The following NF2 variants were observed in gnomAD, a reference collection of about 807,000 sequenced individuals.
NF2 encodes the protein NF2, moesin-ezrin-radixin like (MERLIN) tumor suppressor, also known as merlin.
A neutral mutation model predicts 83.7 loss-of-function variants in NF2; 8 were observed. The ratio of observed to expected loss-of-function variants is 0.10; its 90% confidence interval spans 0.06 to 0.17. The LOEUF (loss-of-function observed/expected upper bound fraction) is 0.17. Among genes scored for constraint, NF2 ranks in the 10% least tolerant of loss-of-function variants. The pLI is 1.00. For missense variants in NF2, 533 were observed against 744.4 expected, an observed-to-expected ratio of 0.72 and a Z score of 3.31; for synonymous variants, 266 against 269.6, an observed-to-expected ratio of 0.99 and a Z score of 0.13.
chr22:29,681,514 A>G lies in NF2; in HGVS notation c.1650A>G (p.Lys550=). 6.2e-7 allele frequency: 1 copy of G among 1,614,182 alleles called. No individual in the cohort carries two copies. The highest frequency in any genetic ancestry group is 8.5e-7 in the Non-Finnish European group (1 of 1,180,040). The change falls in exon 15 of 16, where the codon AAA becomes AAG. Residue 550 remains lysine (K), a synonymous_variant. Transcript: ENST00000338641. ...NELKTEIEAL[K]LKERETALDI... is the part of the protein sequence containing the mutation. ...TCAAGACAGAAATCGAGGCCTTGAA[A>G]CTGAAAGAGAGGGAGACAGCTCTGG...
At chr22:29,639,357 A>G (rs1426006089) in intron 3 of NF2, 145 bp downstream of exon 3, 13 of 997,150 alleles carry the variant, frequency 1.3e-5, no homozygotes, top group Non-Finnish European at 1.9e-5. Context: ...TCTGTAATGG[A>G]AAAAAGGCTT....
intron 6 of NF2, 43 bp downstream of exon 6, chr22:29,655,719 T>A: frequency 1.4e-6 from 1 of 720,912 alleles, no homozygotes; most frequent in African/African-American, 1.9e-5. Context: ...TTATGGGCTT[T>A]TTTTTTTTTT....
intron 7 of NF2, among the ~76,000 whole-genome samples, chr22:29,658,637 C>G (rs564790555): frequency 2.1e-4 from 30 of 142,232 alleles, no homozygotes; most frequent in Admixed American, 1.8e-3. Flanking sequence ...CCACCCCCAC[C>G]CCCACCCCAG....
intron 15 of NF2, among the ~76,000 whole-genome samples, chr22:29,684,767 C>T (rs1342384179): frequency 2.0e-5 from 3 of 152,156 alleles, no homozygotes; most frequent in Admixed American, 2.0e-4. Context: ...GGCATTCTCT[C>T]AGCATCACTA....
rs2067581274 is a variant in NF2 at position 29,697,350 on chromosome 22, G to C, written c.*2548G>C. On this transcript the variant is annotated 3_prime_UTR_variant, in exon 16 of 16. Coordinates refer to ENST00000338641, the MANE Select transcript of NF2 (RefSeq NM_000268.4). ...TGTTTGAGCTGTGGCAGAAGCACCTGGGGCTCCAGGGAGCAGGCTGGGAAC... is the reference window on the plus strand; with the variant it reads ...TGTTTGAGCTGTGGCAGAAGCACCTCGGGCTCCAGGGAGCAGGCTGGGAAC... 5.0e-6 allele frequency: 1 copy of C among 198,598 alleles called. No homozygotes were observed. Among genetic ancestry groups the C allele is most frequent in the South Asian group, 1.9e-4 (1 of 5,234 alleles). 12.3% of individuals were successfully genotyped at this position (198,598 alleles called of 1,614,324 possible). A position where few individuals can be genotyped will look rare whatever the true frequency, so the allele number is the denominator to read the frequency against.
intron 13 of NF2, among the ~76,000 whole-genome samples, chr22:29,676,757 C>T (rs2066974639): frequency 6.6e-6 from 1 of 152,182 alleles, no homozygotes; most frequent in Admixed American, 6.5e-5. Flanking sequence ...TATAATAGAA[C>T]TGTGGGGTCA....
rs2067510070 is a variant in NF2, at chr22:29,695,040, G to C, written c.*238G>C. ...TCTCTGACCTGAGTCTTTGTTTTAA[G>C]AAGTATTTGTCTTCCTTTGTCTAAT... On this transcript the variant is annotated 3_prime_UTR_variant, in exon 16 of 16. Coordinates refer to ENST00000338641, the MANE Select transcript of NF2 (RefSeq NM_000268.4). This position sits in a 1 kb window ranked among gnomAD's most constrained non-coding sequence, Gnocchi z 5.4. 1 of 603,106 alleles carries C rather than the reference G, an allele frequency of 1.7e-6. No homozygotes were observed. Among genetic ancestry groups the C allele is most frequent in the Non-Finnish European group, 2.9e-6 (1 of 339,224 alleles). The allele number at this position is 603,106 out of a possible 1,614,324, so 37.4% of individuals were successfully genotyped here.
chr22:29,697,514 AAG>A lies in NF2; in HGVS notation c.*2716_*2717del, dbSNP rs2067585637. 1 of 182,602 alleles carries A rather than the reference AAG, an allele frequency of 5.5e-6. No homozygotes were observed. The highest frequency in any genetic ancestry group is 6.3e-5 in the Admixed American group (1 of 15,934). 11.3% of individuals were successfully genotyped at this position (182,602 alleles called of 1,614,324 possible). A position where few individuals can be genotyped will look rare whatever the true frequency, so the allele number is the denominator to read the frequency against. ...GCCCCAGTAGCAGGAGAAAGAAAGAAAGAGATGCCTGGTTTTCACAGACTGGT... is the reference window on the plus strand; with the variant it reads ...GCCCCAGTAGCAGGAGAAAGAAAGAAAGATGCCTGGTTTTCACAGACTGGT... On this transcript the variant is annotated 3_prime_UTR_variant, in exon 16 of 16. Coordinates refer to ENST00000338641, the MANE Select transcript of NF2 (RefSeq NM_000268.4).
At chr22:29,674,305 C>T (rs1388228523) in intron 12 of NF2, among the ~76,000 whole-genome samples, 3 of 152,228 alleles carry the variant, frequency 2.0e-5, no homozygotes, top group Non-Finnish European at 1.5e-5. Flanking sequence ...GCCGTGACCA[C>T]CTGAGCCCCA....
At chr22:29,606,857 C>T (rs568928741) in intron 1 of NF2, among the ~76,000 whole-genome samples, 1 of 152,262 alleles carries the variant, frequency 6.6e-6, no homozygotes, top group Admixed American at 6.5e-5. Context: ...ACCAGCTTGA[C>T]CAATATGGTG....
In NF2 at chr22:29,683,260, G is replaced by C; in HGVS notation, c.1737+1659G>C. The C allele has an allele frequency of 3.3e-6, 5 of 1,500,084 alleles. No individual in the cohort carries two copies. In the South Asian group the frequency reaches 6.5e-5, roughly 20 times the overall value. 92.9% of individuals were successfully genotyped at this position (1,500,084 alleles called of 1,614,324 possible). On this transcript the variant is annotated intron_variant, in intron 15 of 15. Coordinates refer to ENST00000338641, the MANE Select transcript of NF2 (RefSeq NM_000268.4). Reference sequence around the variant, plus strand: ...CCTGTGAAGCCAGACCAGCCTCCAGGGCCCCAGAAGACTGCCTCGTTCCGA... The same window carrying C: ...CCTGTGAAGCCAGACCAGCCTCCAGCGCCCCAGAAGACTGCCTCGTTCCGA...
At chr22:29,621,403 A>G (rs973410011) in intron 1 of NF2, among the ~76,000 whole-genome samples, 1 of 152,234 alleles carries the variant, frequency 6.6e-6, no homozygotes, top group Non-Finnish European at 1.5e-5. Flanking sequence ...ATTACTGGTA[A>G]AGTACGTAGA....
intron 6 of NF2, among the ~76,000 whole-genome samples, chr22:29,656,407 C>CTATTTT (rs2066308432): frequency 1.2e-5 from 1 of 81,706 alleles, no homozygotes; most frequent in South Asian, 4.6e-4. Context: ...GGGATATATT[C>CTATTTT]TTTTTTTTTT....
chr22:29,624,859 TTCTTTCTTTC>T (rs1434237475), intron 1 of NF2, among the ~76,000 whole-genome samples: 4 of 127,808 alleles, frequency 3.1e-5, no homozygotes, highest in Admixed American at 8.3e-5. Context: ...CTTTCTTTCT[TTCTTTCTTTC>T]TCTTTCTCTC....
At chr22:29,662,983 C>T (rs2066520029) in intron 8 of NF2, among the ~76,000 whole-genome samples, 1 of 152,174 alleles carries the variant, frequency 6.6e-6, no homozygotes, top group African/African-American at 2.4e-5. Flanking sequence ...TTCATGGCAA[C>T]TCAAGGAAGG....
intron 4 of NF2, among the ~76,000 whole-genome samples, chr22:29,646,978 G>A (rs985050064): frequency 6.6e-6 from 1 of 151,008 alleles, no homozygotes; most frequent in Admixed American, 6.6e-5. Context: ...GGAGGTTACA[G>A]TGAGCTGAGA....
At chr22:29,643,895 ATGGGGCGGCTGG>A (rs2065888520) in intron 4 of NF2, among the ~76,000 whole-genome samples, 1 of 148,362 alleles carries the variant, frequency 6.7e-6, no homozygotes, top group Non-Finnish European at 1.5e-5. Context: ...CACCTCCCGG[ATGGGGCGGCTGG>A]CCGGGCGGGG....
At chr22:29,605,446 T>C (rs1396049694) in intron 1 of NF2, among the ~76,000 whole-genome samples, 3 of 151,798 alleles carry the variant, frequency 2.0e-5, no homozygotes, top group Non-Finnish European at 2.9e-5. Flanking sequence ...AGTGGTGCGA[T>C]TACAGATGTG....
chr22:29,633,467 C>A (rs2065568187), intron 1 of NF2, among the ~76,000 whole-genome samples: 2 of 152,182 alleles, frequency 1.3e-5, no homozygotes, highest in South Asian at 4.1e-4. Context: ...TCTCTCCCTT[C>A]TACTGCCTTC....
Sources: gnomAD v4.1 joint callset for allele counts (sites outside exome capture counted in the v4.1 genomes callset) on GRCh38, gnomAD v4.1.1 for gene constraint, Gnocchi (gnomAD v3.1) non-coding constraint, MANE v1.5 for transcripts, NCBI Gene and HGNC (gene_info 2026-07-23, HGNC 2026-07-21) for gene names.